Variants in TMEM117 observed in about 807,000 individuals in gnomAD.
TMEM117 encodes transmembrane protein 117.
Under a neutral mutation model 52.4 loss-of-function variants are expected in TMEM117, and 27 were observed. The ratio of observed to expected loss-of-function variants is 0.51; its 90% confidence interval spans 0.38 to 0.71. TMEM117 has a LOEUF of 0.71. Ranked by LOEUF, TMEM117 falls within the 30% of genes least tolerant of loss-of-function variation. The pLI, the probability that TMEM117 is intolerant of heterozygous loss-of-function variation, is 0.00. For missense variants in TMEM117, 556 were observed against 630.5 expected (o/e 0.88, Z 1.26); for synonymous variants, 215 against 206.3 (o/e 1.04, Z -0.36).
intron 2 of TMEM117, among the ~76,000 whole-genome samples, chr12:43,846,374 C>T (rs61930682): frequency 0.037 from 5,705 of 152,196 alleles, 272 homozygotes; most frequent in African/African-American, 0.1. Context: ...GCTTTATTCT[C>T]CTTTTACACT....
intron 5 of TMEM117, among the ~76,000 whole-genome samples, chr12:44,293,488 CT>C (rs1950730676): frequency 6.6e-6 from 1 of 151,922 alleles, no homozygotes; most frequent in Non-Finnish European, 1.5e-5. Flanking sequence ...TGCTATTCTT[CT>C]GTTCCTTTCT....
intron 2 of TMEM117, among the ~76,000 whole-genome samples, chr12:43,900,318 C>T (rs931891607): frequency 6.6e-6 from 1 of 152,050 alleles, no homozygotes; most frequent in Non-Finnish European, 1.5e-5. Context: ...GTTACAGCAG[C>T]GACCACTGCT....
At chr12:43,892,490 A>C (rs1270033363) in intron 2 of TMEM117, among the ~76,000 whole-genome samples, 1 of 152,188 alleles carries the variant, frequency 6.6e-6, no homozygotes, top group Non-Finnish European at 1.5e-5. Flanking sequence ...CAGGCTTTTA[A>C]ATTATGGAAT....
rs1234888207 is a variant in TMEM117, at chr12:44,311,801, A to ATT, written c.768+12063_768+12064insTT. ...TGTGTATATATGTATATATATGTAT[A>ATT]TATGTATATATGTATATATATGTAT... On this transcript the variant is annotated intron_variant, in intron 6 of 7. Transcript: ENST00000266534. Among the ~76,000 whole-genome samples the ATT allele has an allele frequency of 2.8e-3, 55 of 19,408 alleles. 1 individual carries two copies. The highest frequency in any genetic ancestry group is 5.1e-3 in the African/African-American group (53 of 10,316). 12.7% of individuals were successfully genotyped at this position (19,408 alleles called of 152,430 possible).
intron 5 of TMEM117, among the ~76,000 whole-genome samples, chr12:44,232,463 C>T (rs1244229908): frequency 6.6e-6 from 1 of 151,368 alleles, no homozygotes. Context: ...TACTCAGTAC[C>T]AATATCACAT....
chr12:44,184,087 T>A (rs1181213932), intron 4 of TMEM117, among the ~76,000 whole-genome samples: 2 of 152,182 alleles, frequency 1.3e-5, no homozygotes, highest in Non-Finnish European at 2.9e-5. Flanking sequence ...GGCTTCCACC[T>A]GTAATCCCAG....
In TMEM117 at chr12:44,186,315, A is replaced by G. The variant is rs12309109; in HGVS notation, c.511-24975A>G. Among the ~76,000 whole-genome samples, 1,275 of 152,290 alleles carry G rather than the reference A, an allele frequency of 8.4e-3. 22 individuals are homozygous for G. Among genetic ancestry groups the G allele is most frequent in the African/African-American group, 0.029 (1,189 of 41,574 alleles). On this transcript the variant is annotated intron_variant, in intron 4 of 7. Coordinates refer to ENST00000266534, the MANE Select transcript of TMEM117 (RefSeq NM_032256.3). ...ATGCCTCAAAGAAAGTAATCAGAAG[A>G]TTTGTTTCCTCCAGAAAGCCAGGGT... is the stretch of plus-strand genomic sequence containing the variant.
At chr12:43,875,380 T>C (rs1329604644) in intron 2 of TMEM117, among the ~76,000 whole-genome samples, 1 of 152,172 alleles carries the variant, frequency 6.6e-6, no homozygotes, top group Non-Finnish European at 1.5e-5. Context: ...TAGTGAGGGC[T>C]CAGAACGCTG....
At chr12:44,181,669 T>C (rs552699564) in intron 4 of TMEM117, among the ~76,000 whole-genome samples, 20 of 152,064 alleles carry the variant, frequency 1.3e-4, no homozygotes, top group East Asian at 1.9e-4. Context: ...GTTGTAGATA[T>C]GTGGCGTTAT....
At position 43,968,417 on chromosome 12, in the gene TMEM117, A is replaced by G. The variant is rs960857374; in HGVS notation, c.410+24075A>G. Among the ~76,000 whole-genome samples the G allele has an allele frequency of 3.3e-5, 5 of 152,200 alleles. No homozygotes were observed. In the South Asian group the frequency reaches 6.2e-4, roughly 19 times the overall value. On this transcript the variant is annotated intron_variant, in intron 3 of 7. Transcript: ENST00000266534. ...TCTTGCATATTTGACTTTTTCAACAATATCAAGTGTCATGACAAAGGAGTT... is the reference window on the plus strand; with the variant it reads ...TCTTGCATATTTGACTTTTTCAACAGTATCAAGTGTCATGACAAAGGAGTT...
chr12:44,040,539 G>T (rs919655886), intron 3 of TMEM117, among the ~76,000 whole-genome samples: 1 of 152,108 alleles, frequency 6.6e-6, no homozygotes, highest in Non-Finnish European at 1.5e-5. Flanking sequence ...TAATTTATAT[G>T]TACATCTTTC....
At chr12:44,329,536 C>T (rs1171554868) in intron 6 of TMEM117, among the ~76,000 whole-genome samples, 4 of 152,082 alleles carry the variant, frequency 2.6e-5, no homozygotes, top group Non-Finnish European at 5.9e-5. Context: ...TGAATAAAGT[C>T]TTCCTTACCA....
intron 3 of TMEM117, among the ~76,000 whole-genome samples, chr12:44,059,993 C>T (rs1639822659): frequency 1.3e-5 from 2 of 152,112 alleles, no homozygotes; most frequent in African/African-American, 4.8e-5. Flanking sequence ...TACAAACTAT[C>T]CCAAGTACCT....
Position 43,844,928 on chromosome 12 carries a change from G to T in TMEM117, c.277G>T (p.Gly93Cys). 6.2e-7 allele frequency: 1 copy of T among 1,611,262 alleles called. No homozygotes were observed. Among genetic ancestry groups the T allele is most frequent in the Non-Finnish European group, 8.5e-7 (1 of 1,179,236 alleles). Residue 93 changes from glycine (G) to cysteine (C), a missense_variant and splice_region_variant, in exon 2 of 8, where the codon GGT becomes TGT. Physicochemically the swap from Gly to Cys is radical, Grantham distance 159. Coordinates refer to ENST00000266534, the MANE Select transcript of TMEM117 (RefSeq NM_032256.3). ...ATTTCTGTTCCATCAGCGTTTGTTT[G>T]GTAAGTACCATGACCCATGAAATGT... ...GKFLFHQRLF[G>C]QLLRLKMFRE...
At chr12:43,830,532 C>T in the TMEM117 span, among the ~76,000 whole-genome samples, 1 of 151,510 alleles carries the variant, frequency 6.6e-6, no homozygotes, top group Non-Finnish European at 1.5e-5. Flanking sequence ...ATCGCTTGAA[C>T]CCAGGAGGCA....
intron 1 of TMEM117, among the ~76,000 whole-genome samples, chr12:43,842,598 T>C (rs1943133062): frequency 6.6e-6 from 1 of 152,174 alleles, no homozygotes. Flanking sequence ...TCTCAGATCT[T>C]CCATTGACTT....
intron 2 of TMEM117, among the ~76,000 whole-genome samples, chr12:43,894,549 C>T (rs1180188726): frequency 6.6e-6 from 1 of 151,892 alleles, no homozygotes; most frequent in Non-Finnish European, 1.5e-5. Context: ...TTCTCTCCCT[C>T]CCACCCTCCA....
the TMEM117 span, among the ~76,000 whole-genome samples, chr12:43,810,647 CA>C: frequency 6.6e-6 from 1 of 152,118 alleles, no homozygotes; most frequent in Non-Finnish European, 1.5e-5. Context: ...GCATTCATAG[CA>C]AACTGACAAG....
intron 5 of TMEM117, among the ~76,000 whole-genome samples, chr12:44,254,011 C>CAAAAAAAAAAAAAAAAAAA (rs199912435): frequency 1.1e-5 from 1 of 90,094 alleles, no homozygotes; most frequent in African/African-American, 3.5e-5. Context: ...CTCATTTGAC[C>CAAAAAAAAAAAAAAAAAAA]AAAAAAAAAA....
Sources: gnomAD v4.1 joint callset for allele counts (sites outside exome capture counted in the v4.1 genomes callset) on GRCh38, gnomAD v4.1.1 for gene constraint, MANE v1.5 for transcripts, NCBI Gene and HGNC (gene_info 2026-07-23, HGNC 2026-07-21) for gene names.